Variants in ROS1 observed in about 807,000 individuals in gnomAD.
ROS1 encodes proto-oncogene tyrosine-protein kinase ROS.
A neutral mutation model predicts 273.5 loss-of-function variants in ROS1; 263 were observed. That is an observed-to-expected ratio of 0.96 (90% CI 0.87 to 1.06). The LOEUF (loss-of-function observed/expected upper bound fraction) is 1.06, where lower values mean the gene tolerates loss of function less well. Ranked by LOEUF, ROS1 falls within the 50% of genes least tolerant of loss-of-function variation. The pLI is 0.00. For missense variants in ROS1, 2,833 were observed against 2,751.1 expected, an observed-to-expected ratio of 1.03 and a Z score of -0.67; for synonymous variants, 1,008 against 954.1, an observed-to-expected ratio of 1.06 and a Z score of -1.04.
chr6:117,293,531 G>A (rs944988298), intron 43 of ROS1, among the ~76,000 whole-genome samples: 2 of 151,970 alleles, frequency 1.3e-5, no homozygotes. Flanking sequence ...GATGAATTAG[G>A]AAACTTTTAC....
chr6:117,418,544 G>A (rs774283421), intron 1 of ROS1, 38 bp from the exon 2 acceptor site: 2 of 1,516,524 alleles, frequency 1.3e-6, no homozygotes, highest in Non-Finnish European at 1.8e-6. Context: ...CCAGCCATCA[G>A]TACTGGGTTC....
Position 117,287,641 on chromosome 6 carries a change from G to A in ROS1, c.*851C>T, listed in dbSNP as rs866718608. ...GTAGTGATTAAAGACAATATATATC[G>A]GCTAGGCATGGTGGCTCACACCTGT... On this transcript the variant is annotated 3_prime_UTR_variant, in exon 44 of 44. Transcript: ENST00000368507. Among the ~76,000 whole-genome samples, 4 of 152,152 alleles carry A rather than the reference G, an allele frequency of 2.6e-5. No individual in the cohort carries two copies. Among genetic ancestry groups the A allele is most frequent in the African/African-American group, 4.8e-5 (2 of 41,504 alleles).
chr6:117,341,248 A>G lies in ROS1; in HGVS notation c.4948T>C (p.Phe1650Leu). The G allele has an allele frequency of 6.2e-7, 1 of 1,613,700 alleles. No individual in the cohort carries two copies. Among genetic ancestry groups the G allele is most frequent in the South Asian group, 1.1e-5 (1 of 91,044 alleles). Residue 1650 changes from phenylalanine (F) to leucine (L), a missense_variant, in exon 31 of 44, where the codon TTT (phenylalanine) becomes CTT (leucine). Physicochemically the swap from Phe to Leu is conservative, Grantham distance 22. Coordinates refer to ENST00000368507, the MANE Select transcript of ROS1 (RefSeq NM_001378902.1). ...GAATAAGGTTTCTCTGGTGTGTTAA[A>G]CATTTCCACAGTGACAGGATGACTC... ...TESHPVTVEM[F>L]NTPEKPYSLV...
rs748625401 is a variant in ROS1, at chr6:117,329,452, G to A, written c.5231-6C>T. 6.0e-6 allele frequency: 8 copies of A among 1,329,318 alleles called. No homozygotes were observed. Among genetic ancestry groups the A allele is most frequent in the Non-Finnish European group, 8.6e-6 (8 of 928,338 alleles). 82.3% of individuals were successfully genotyped at this position (1,329,318 alleles called of 1,614,324 possible). A position where few individuals can be genotyped will look rare whatever the true frequency, so the allele number is the denominator to read the frequency against. On this transcript the variant is annotated splice_polypyrimidine_tract_variant and splice_region_variant and intron_variant, in intron 32 of 43. Transcript: ENST00000368507. ...TGGTTTATTTGGGACTCCAGCTTTA[G>A]GGAAAAAAAGAAAATATTGGTTGAT...
chr6:117,375,161 G>C (rs1305137463), intron 18 of ROS1, among the ~76,000 whole-genome samples: 1 of 152,212 alleles, frequency 6.6e-6, no homozygotes, highest in Non-Finnish European at 1.5e-5. Context: ...GATGGAATTG[G>C]AGACCGTTAT....
At position 117,387,992 on chromosome 6, in the gene ROS1, C is replaced by A. The variant is rs769737276; in HGVS notation, c.1787G>T (p.Ser596Ile). 6.2e-6 allele frequency: 10 copies of A among 1,614,082 alleles called. No homozygotes were observed. In the South Asian group the frequency reaches 9.9e-5, roughly 16 times the overall value. Residue 596 changes from serine to isoleucine, a missense_variant and splice_region_variant, in exon 14 of 44, where the codon AGC (serine) becomes ATC (isoleucine). Transcript: ENST00000368507. ...WKPPALAIGA[S>I]PSAWQNWTYE... Reference sequence around the variant, plus strand: ...GGTCCAGTTCTGCCAGGCAGAAGGGCCTAATTCAAAGAGTTCAATAATATC... The same window carrying A: ...GGTCCAGTTCTGCCAGGCAGAAGGGACTAATTCAAAGAGTTCAATAATATC...
At chr6:117,396,044 C>T (rs556281280) in intron 9 of ROS1, 144 bp downstream of exon 9, 3 of 468,116 alleles carry the variant, frequency 6.4e-6, no homozygotes, top group South Asian at 1.4e-4. Flanking sequence ...AAATGGAAAA[C>T]TTAACAAGTA....
intron 32 of ROS1, among the ~76,000 whole-genome samples, chr6:117,334,533 GCC>G (rs1222569110): frequency 1.3e-5 from 2 of 152,162 alleles, no homozygotes; most frequent in Non-Finnish European, 2.9e-5. Flanking sequence ...ACCCCATGTA[GCC>G]AAGACAATCC....
At chr6:117,332,888 G>A (rs574733855) in intron 32 of ROS1, among the ~76,000 whole-genome samples, 3 of 152,074 alleles carry the variant, frequency 2.0e-5, no homozygotes, top group Non-Finnish European at 4.4e-5. Flanking sequence ...ACATTAGAAA[G>A]CCAGAAAGAT....
intron 27 of ROS1, among the ~76,000 whole-genome samples, chr6:117,345,910 T>C (rs538270859): frequency 5.3e-4 from 80 of 152,142 alleles, no homozygotes; most frequent in Non-Finnish European, 2.8e-4. Flanking sequence ...CAGGAAAAAA[T>C]GTTTAAAATT....
At chr6:117,335,889 A>T (rs531286557) in intron 32 of ROS1, among the ~76,000 whole-genome samples, 1 of 151,866 alleles carries the variant, frequency 6.6e-6, no homozygotes, top group South Asian at 2.1e-4. Context: ...AGGTGCAGCA[A>T]ACCACCATGG....
chr6:117,394,260 C>T lies in ROS1; in HGVS notation c.1093G>A (p.Val365Ile), dbSNP rs1773310568. ...WAKKAANMSD[V>I]SDLRIFYRGS... is the part of the protein sequence containing the mutation. ...CTGTAAAAAATTCTCAGGTCAGATA[C>T]ATCAGACATGTTGGCAGCCTTCTTC... Residue 365 changes from valine to isoleucine, a missense_variant, in exon 11 of 44, where the codon GTA becomes ATA. Physicochemically the swap from Val to Ile is conservative, Grantham distance 29 (BLOSUM62 3). Coordinates refer to ENST00000368507, the MANE Select transcript of ROS1 (RefSeq NM_001378902.1). 4 of 1,610,366 alleles carry T rather than the reference C, an allele frequency of 2.5e-6. No individual in the cohort carries two copies. Among genetic ancestry groups the T allele is most frequent in the Non-Finnish European group, 8.5e-7 (1 of 1,178,354 alleles).
At chr6:117,302,209 A>G (rs1261134301) in intron 42 of ROS1, among the ~76,000 whole-genome samples, 1 of 152,234 alleles carries the variant, frequency 6.6e-6, no homozygotes, top group Non-Finnish European at 1.5e-5. Context: ...TGTTGTTTAT[A>G]ACTTAGTCCC....
intron 5 of ROS1, among the ~76,000 whole-genome samples, chr6:117,408,157 G>C (rs1774577381): frequency 6.6e-6 from 1 of 151,770 alleles, no homozygotes; most frequent in East Asian, 1.9e-4. Flanking sequence ...GCATGGGCAA[G>C]GACTTCATGT....
chr6:117,326,133 C>G (rs2128581264), intron 34 of ROS1, 91 bp downstream of exon 34: 1 of 372,428 alleles, frequency 2.7e-6, no homozygotes, highest in South Asian at 3.4e-5. Context: ...ATATAGTCAC[C>G]ATTATCTATT....
rs376507701 is a variant in ROS1, at chr6:117,310,111, T to C, written c.6386A>G (p.Asp2129Gly). Residue 2129 changes from aspartate (D) to glycine (G), a missense_variant, in exon 41 of 44, where the codon GAT (aspartate) becomes GGT (glycine). Transcript: ENST00000368507. ...VRWMAPESLM[D>G]GIFTTQSDVW... ...ATCAGATTGAGTAGTGAAGATTCCA[T>C]CCATCAAACTTTCTGGAGCCATCCA... 1 of 1,613,460 alleles carries C rather than the reference T, an allele frequency of 6.2e-7. No homozygotes were observed. The highest frequency in any genetic ancestry group is 8.5e-7 in the Non-Finnish European group (1 of 1,179,572).
intron 17 of ROS1, among the ~76,000 whole-genome samples, chr6:117,382,717 A>AAT (rs1772251130): frequency 6.6e-6 from 1 of 152,168 alleles, no homozygotes. Context: ...CAGGTTGAGT[A>AAT]ATAATAATAT....
In ROS1 at chr6:117,409,591, C is replaced by G. The variant is rs373938735; in HGVS notation, c.307G>C (p.Glu103Gln). 3 of 1,613,494 alleles carry G rather than the reference C, an allele frequency of 1.9e-6. No individual in the cohort carries two copies. The East Asian group carries it at 6.7e-5, about 36-fold the overall frequency. ...GTGTGTGTCCTCTTACCCAGTACTT[C>G]CTCTTCATATGCACCTTCCGCGCTG... ...CSSAEGAYEE[E>Q]VLENADLPTA... Residue 103 changes from glutamate (E) to glutamine (Q), a missense_variant, in exon 5 of 44, where the codon GAA (glutamate) becomes CAA (glutamine). By Grantham distance (29) the Glu-to-Gln change is conservative (BLOSUM62 2). Coordinates refer to ENST00000368507, the MANE Select transcript of ROS1 (RefSeq NM_001378902.1).
intron 18 of ROS1, among the ~76,000 whole-genome samples, chr6:117,368,250 T>G (rs563081135): frequency 5.6e-4 from 86 of 152,338 alleles, no homozygotes; most frequent in African/African-American, 2.0e-3. Context: ...ACTATCTCAG[T>G]TATCCTCAGC....
Sources: allele counts gnomAD v4.1 joint callset (sites outside exome capture counted in the v4.1 genomes callset), GRCh38; gene constraint gnomAD v4.1.1; transcripts MANE v1.5; gene names NCBI Gene and HGNC (gene_info 2026-07-23, HGNC 2026-07-21).